Variants in CR1L observed in about 807,000 individuals in gnomAD.
CR1L encodes the protein complement component receptor 1-like protein.
CR1L carries 59 observed loss-of-function variants against 62.3 expected under a neutral mutation model. That is an observed-to-expected ratio of 0.95 (90% CI 0.77 to 1.18). CR1L has a LOEUF of 1.18. Ranked by LOEUF, CR1L falls within the 50% of genes most tolerant of loss-of-function variation. The pLI is 0.00. For synonymous variants in CR1L, 279 were observed against 248.7 expected (o/e 1.12, Z -1.15); for missense variants, 700 against 702.8 (o/e 1.00, Z 0.04).
At chr1:207,655,125 T>C (rs905688636) in intron 1 of CR1L, 6 of 396,910 alleles carry the variant, frequency 1.5e-5, no homozygotes, top group African/African-American at 1.0e-4. Context: ...TATAAAAAGT[T>C]CCTTCATTAT....
At chr1:207,645,789 C>T (rs1571637514) in intron 1 of CR1L, among the ~76,000 whole-genome samples, 1 of 152,080 alleles carries the variant, frequency 6.6e-6, no homozygotes, top group Admixed American at 6.5e-5. Flanking sequence ...ACAGTACCCG[C>T]GGTAAGGGTT....
At chr1:207,647,236 T>TG (rs1394557944) in intron 1 of CR1L, among the ~76,000 whole-genome samples, 1 of 152,200 alleles carries the variant, frequency 6.6e-6, no homozygotes, top group Non-Finnish European at 1.5e-5. Flanking sequence ...AACAAATGAC[T>TG]GGGGGGAGGG....
At position 207,697,660 on chromosome 1, in the gene CR1L, T is replaced by C; in HGVS notation, c.1020T>C (p.Pro340=). 2 of 1,614,036 alleles carry C rather than the reference T, an allele frequency of 1.2e-6. No homozygotes were observed. Among genetic ancestry groups the C allele is most frequent in the Non-Finnish European group, 8.5e-7 (1 of 1,179,894 alleles). The change falls in exon 6 of 12, where the codon CCT becomes CCC. Residue 340 remains proline, a synonymous_variant. Transcript: ENST00000508064. Reference sequence around the variant, plus strand: ...GCACACCCCAGGGAGACTGGAGCCCTGCAGCCCCCAGATGTGAAGGTGACT... The same window carrying C: ...GCACACCCCAGGGAGACTGGAGCCCCGCAGCCCCCAGATGTGAAGGTGACT... The part of the protein sequence containing the change: ...LHCTPQGDWS[P]AAPRCEVKSC...
At chr1:207,713,498 A>G (rs1476901889) in intron 10 of CR1L, among the ~76,000 whole-genome samples, 2 of 152,182 alleles carry the variant, frequency 1.3e-5, no homozygotes, top group African/African-American at 4.8e-5. Flanking sequence ...GCCTTGCTCT[A>G]CCCAGGATCA....
At chr1:207,662,960 C>T (rs1398022167) in intron 1 of CR1L, among the ~76,000 whole-genome samples, 1 of 152,170 alleles carries the variant, frequency 6.6e-6, no homozygotes, top group Non-Finnish European at 1.5e-5. Context: ...TGCAGAACAG[C>T]GGATACTGGT....
intron 1 of CR1L, among the ~76,000 whole-genome samples, chr1:207,659,357 C>A (rs138229133): frequency 5.3e-5 from 8 of 152,232 alleles, no homozygotes; most frequent in African/African-American, 1.2e-4. Flanking sequence ...GGCTTTCTGA[C>A]CTTGGGGCAG....
intron 4 of CR1L, among the ~76,000 whole-genome samples, chr1:207,689,376 T>C (rs1223615633): frequency 6.6e-6 from 1 of 152,094 alleles, no homozygotes; most frequent in Non-Finnish European, 1.5e-5. Context: ...TGAGTGTGTG[T>C]GTGGTGTGTG....
At chr1:207,675,651 T>C (rs1277360004) in intron 1 of CR1L, among the ~76,000 whole-genome samples, 1 of 152,106 alleles carries the variant, frequency 6.6e-6, no homozygotes, top group Non-Finnish European at 1.5e-5. Context: ...ACCTCTGGCC[T>C]CAATCTACCC....
chr1:207,719,690 G>T (rs1654089669), intron 11 of CR1L, among the ~76,000 whole-genome samples: 1 of 152,034 alleles, frequency 6.6e-6, no homozygotes, highest in South Asian at 2.1e-4. Flanking sequence ...CTGCACCCCA[G>T]CCTGGACAAC....
At chr1:207,664,165 A>C (rs1242756525) in intron 1 of CR1L, among the ~76,000 whole-genome samples, 1 of 152,206 alleles carries the variant, frequency 6.6e-6, no homozygotes, top group African/African-American at 2.4e-5. Context: ...TATTGTCCTG[A>C]TTTCAGCACT....
chr1:207,687,996 G>A (rs1663938294), intron 4 of CR1L, among the ~76,000 whole-genome samples: 1 of 152,130 alleles, frequency 6.6e-6, no homozygotes, highest in South Asian at 2.1e-4. Flanking sequence ...AATTGGGCCA[G>A]GTGAGGTGGC....
At chr1:207,665,383 A>G (rs1441094013) in intron 1 of CR1L, among the ~76,000 whole-genome samples, 1 of 147,392 alleles carries the variant, frequency 6.8e-6, no homozygotes, top group Admixed American at 6.9e-5. Context: ...TACTTGTGCA[A>G]ATATATATGT....
At chr1:207,660,043 T>A (rs1460375415) in intron 1 of CR1L, among the ~76,000 whole-genome samples, 1 of 152,252 alleles carries the variant, frequency 6.6e-6, no homozygotes, top group Non-Finnish European at 1.5e-5. Flanking sequence ...TGGAGCCCAC[T>A]GCAGCTCAGC....
At chr1:207,677,641 T>G in intron 2 of CR1L, 73 bp downstream of exon 2, 1 of 1,534,168 alleles carries the variant, frequency 6.5e-7, no homozygotes, top group Non-Finnish European at 8.8e-7. Flanking sequence ...TGTTCAAATT[T>G]TGTAACTGAG....
At chr1:207,706,111 G>A (rs1196853159) in intron 9 of CR1L, among the ~76,000 whole-genome samples, 1 of 150,124 alleles carries the variant, frequency 6.7e-6, no homozygotes, top group East Asian at 1.9e-4. Context: ...TTCCCTCAAT[G>A]CAGTGGGAAA....
intron 9 of CR1L, among the ~76,000 whole-genome samples, chr1:207,705,798 T>G (rs1664257242): frequency 6.6e-6 from 1 of 152,006 alleles, no homozygotes; most frequent in Non-Finnish European, 1.5e-5. Flanking sequence ...AAGAGACCAA[T>G]TTTAAAAAAT....
At chr1:207,650,029 T>C (rs1480863575) in intron 1 of CR1L, among the ~76,000 whole-genome samples, 1 of 152,132 alleles carries the variant, frequency 6.6e-6, no homozygotes, top group Non-Finnish European at 1.5e-5. Context: ...TGTATGTGTA[T>C]GTGTGTGTAG....
chr1:207,682,988 CTTTT>C (rs1001082149), intron 3 of CR1L, among the ~76,000 whole-genome samples: 23 of 142,450 alleles, frequency 1.6e-4, no homozygotes, highest in Non-Finnish European at 2.9e-4. Flanking sequence ...TTCTTTCTTT[CTTTT>C]TTTCTTTCTT....
intron 7 of CR1L, 43 bp downstream of exon 7, chr1:207,697,916 G>A: frequency 6.2e-7 from 1 of 1,612,804 alleles, no homozygotes. Flanking sequence ...TGAAATTGGG[G>A]TTAGGAATTA....
Sources: allele counts gnomAD v4.1 joint callset (sites outside exome capture counted in the v4.1 genomes callset), GRCh38; gene constraint gnomAD v4.1.1; transcripts MANE v1.5; gene names NCBI Gene and HGNC (gene_info 2026-07-23, HGNC 2026-07-21).